Variants in DCAF13 observed in about 807,000 individuals in gnomAD.
DCAF13 encodes DDB1- and CUL4-associated factor 13.
DCAF13 carries 38 observed loss-of-function variants against 59.0 expected under a neutral mutation model. The observed-to-expected ratio is 0.64, with a 90% CI of 0.50 to 0.84. The LOEUF is 0.84. Among genes scored for constraint, DCAF13 ranks in the 40% least tolerant of loss-of-function variants. DCAF13 has a pLI of 0.00. For synonymous variants in DCAF13, 173 were observed against 175.0 expected, an observed-to-expected ratio of 0.99 and a Z score of 0.09; for missense variants, 469 against 558.4, an observed-to-expected ratio of 0.84 and a Z score of 1.61.
intron 4 of DCAF13, among the ~76,000 whole-genome samples, chr8:103,426,471 G>A (rs963721524): frequency 1.3e-5 from 2 of 151,760 alleles, no homozygotes; most frequent in Admixed American, 6.6e-5. Flanking sequence ...TTGTCTAGTT[G>A]ATGTCATCAT....
At chr8:103,438,051 T>G (rs1563506749) in intron 8 of DCAF13, among the ~76,000 whole-genome samples, 1 of 152,306 alleles carries the variant, frequency 6.6e-6, no homozygotes, top group East Asian at 1.9e-4. Flanking sequence ...CTCAGCATAG[T>G]TTACCATTGG....
intron 1 of DCAF13, among the ~76,000 whole-genome samples, chr8:103,417,088 T>A (rs1180410624): frequency 6.6e-6 from 1 of 152,222 alleles, no homozygotes; most frequent in Non-Finnish European, 1.5e-5. Flanking sequence ...TTCTGCACTT[T>A]GCACAGTACC....
chr8:103,421,183 C>T, intron 3 of DCAF13, 101 bp downstream of exon 3: 1 of 836,022 alleles, frequency 1.2e-6, no homozygotes. Flanking sequence ...TTCCTAGGCC[C>T]TTTTGGAGTT....
chr8:103,433,053 G>A (rs1056524976), intron 7 of DCAF13, among the ~76,000 whole-genome samples: 1 of 152,096 alleles, frequency 6.6e-6, no homozygotes, highest in African/African-American at 2.4e-5. Flanking sequence ...TATTGGATAT[G>A]GCTGCTTTTG....
intron 1 of DCAF13, among the ~76,000 whole-genome samples, chr8:103,417,531 ACTCAGGAGG>A (rs1816637577): frequency 6.6e-6 from 1 of 151,296 alleles, no homozygotes. Flanking sequence ...AGTCACAGCT[ACTCAGGAGG>A]CTGAGGCGGG....
chr8:103,419,838 A>G (rs2130474734), intron 1 of DCAF13, among the ~76,000 whole-genome samples: 1 of 152,110 alleles, frequency 6.6e-6, no homozygotes, highest in African/African-American at 2.4e-5. Context: ...GTGAAACCCC[A>G]TCTCTACTAA....
At chr8:103,442,598 G>C (rs1229338022) in intron 10 of DCAF13, 197 bp from the exon 11 acceptor site, 2 of 420,640 alleles carry the variant, frequency 4.8e-6, no homozygotes, top group Non-Finnish European at 8.5e-6. Flanking sequence ...GACCCTATTA[G>C]GTAAATATGA....
intron 3 of DCAF13, among the ~76,000 whole-genome samples, chr8:103,421,755 T>C (rs1816725739): frequency 6.6e-6 from 1 of 152,262 alleles, no homozygotes; most frequent in Admixed American, 6.5e-5. Context: ...TTACTTAACA[T>C]AATTGTCTTC....
In DCAF13 at chr8:103,424,058, G is replaced by A. The variant is rs532207348; in HGVS notation, c.379-1998G>A. 4.0e-5 allele frequency among the ~76,000 whole-genome samples: 6 copies of A among 151,076 alleles called. No individual in the cohort carries two copies. The South Asian group carries it at 6.3e-4, about 16-fold the overall frequency. ...TTTTGAGATGAAGTCTCCCTCTGTC[G>A]CCCAGGTTGGAGTGCAGTGGCATGA... On this transcript the variant is annotated intron_variant, in intron 3 of 10. Transcript: ENST00000612750.
intron 8 of DCAF13, among the ~76,000 whole-genome samples, chr8:103,437,318 A>T (rs1021211932): frequency 6.6e-6 from 1 of 152,210 alleles, no homozygotes; most frequent in African/African-American, 2.4e-5. Flanking sequence ...GTAGTAGGAT[A>T]GTATTTTTCC....
Position 103,426,102 on chromosome 8 carries a change from G to T in DCAF13, c.425G>T (p.Gly142Val). 1 of 1,612,666 alleles carries T rather than the reference G, an allele frequency of 6.2e-7. No individual in the cohort carries two copies. The highest frequency in any genetic ancestry group is 1.1e-5 in the South Asian group (1 of 91,012). The change falls in exon 4 of 11, where the codon GGC becomes GTC. Residue 142 changes from glycine to valine, a missense_variant. Transcript: ENST00000612750. ...AAGCAGTGGAAAATGGATGGGCCAG[G>T]CTATGGAGACGAGGAAGAGCCATTA... ...TVKQWKMDGP[G>V]YGDEEEPLHT...
intron 6 of DCAF13, 139 bp downstream of exon 6, chr8:103,430,828 G>A (rs757683430): frequency 9.5e-6 from 5 of 527,240 alleles, no homozygotes; most frequent in Non-Finnish European, 1.6e-5. Context: ...AACTCTACAT[G>A]ATGATAGTCA....
chr8:103,429,398 T>C (rs1168675360), intron 5 of DCAF13: 1 of 152,186 alleles, frequency 6.6e-6, no homozygotes, highest in Non-Finnish European at 1.5e-5. Flanking sequence ...AGGAGTTAGC[T>C]GGCCATGCAA....
intron 8 of DCAF13, chr8:103,439,507 G>C (rs1431374777): frequency 6.8e-6 from 1 of 147,998 alleles, no homozygotes; most frequent in Non-Finnish European, 1.5e-5. Context: ...TCCTGCCTCA[G>C]CCTCCCTAGT....
rs1245056836 is a variant in DCAF13, at chr8:103,442,780, ATATTT to A, written c.1251-9_1251-5del. 4.5e-6 allele frequency: 7 copies of A among 1,541,330 alleles called. No homozygotes were observed. The highest frequency in any genetic ancestry group is 6.1e-6 in the Non-Finnish European group (7 of 1,143,664). ...TTCCCATAACTTGCTTATATTTTGT[ATATTT>A]TATTTCTAGGGAAGTGAATCGTATT... On this transcript the variant is annotated splice_polypyrimidine_tract_variant and intron_variant, in intron 10 of 10. Transcript: ENST00000612750.
At chr8:103,418,366 A>G (rs527319190) in intron 1 of DCAF13, among the ~76,000 whole-genome samples, 1 of 151,912 alleles carries the variant, frequency 6.6e-6, no homozygotes, top group East Asian at 2.0e-4. Context: ...CAAAAAATTT[A>G]AAGATTAATG....
intron 7 of DCAF13, among the ~76,000 whole-genome samples, chr8:103,433,919 A>C (rs1816899150): frequency 6.6e-6 from 1 of 152,038 alleles, no homozygotes; most frequent in Non-Finnish European, 1.5e-5. Context: ...CATTATTGTG[A>C]CCAACCTCAT....
chr8:103,435,206 T>C (rs1178167840), intron 7 of DCAF13, among the ~76,000 whole-genome samples: 1 of 152,166 alleles, frequency 6.6e-6, no homozygotes, highest in African/African-American at 2.4e-5. Context: ...CTCATTAATA[T>C]GCTACGTGAA....
At chr8:103,424,610 C>A (rs540064704) in intron 3 of DCAF13, among the ~76,000 whole-genome samples, 1 of 152,152 alleles carries the variant, frequency 6.6e-6, no homozygotes, top group Non-Finnish European at 1.5e-5. Context: ...ATTGGTGGTC[C>A]GCTGAGGTTT....
Sources: gnomAD v4.1 joint callset for allele counts (sites outside exome capture counted in the v4.1 genomes callset) on GRCh38, gnomAD v4.1.1 for gene constraint, MANE v1.5 for transcripts, NCBI Gene and HGNC (gene_info 2026-07-23, HGNC 2026-07-21) for gene names.